The following PLXDC2 variants were observed in gnomAD, a reference collection of about 807,000 sequenced individuals.
The protein encoded by PLXDC2 is plexin domain-containing protein 2.
In PLXDC2, 40 loss-of-function variants were observed where a neutral mutation model predicts 68.9. The observed-to-expected ratio is 0.58, with a 90% CI of 0.45 to 0.76. The LOEUF is 0.76. Among genes scored for constraint, PLXDC2 ranks in the 30% least tolerant of loss-of-function variants. PLXDC2 has a pLI of 0.00. For missense variants in PLXDC2, 644 were observed against 661.9 expected, an observed-to-expected ratio of 0.97 and a Z score of 0.30; for synonymous variants, 243 against 234.2, an observed-to-expected ratio of 1.04 and a Z score of -0.34.
chr10:20,121,641 A>G (rs1474977811), intron 4 of PLXDC2, among the ~76,000 whole-genome samples: 1 of 152,138 alleles, frequency 6.6e-6, no homozygotes, highest in African/African-American at 2.4e-5. Flanking sequence ...TGAAGAAAGC[A>G]TGTTTGAGAT....
chr10:20,158,501 C>CAAAAA (rs59079629), intron 6 of PLXDC2, among the ~76,000 whole-genome samples: 16 of 118,776 alleles, frequency 1.3e-4, no homozygotes, highest in Non-Finnish European at 2.1e-4. Flanking sequence ...TCTGTCTCTG[C>CAAAAA]AAAAAAAAAA....
intron 4 of PLXDC2, among the ~76,000 whole-genome samples, chr10:20,141,512 T>C (rs893145125): frequency 2.6e-5 from 4 of 152,130 alleles, no homozygotes; most frequent in Admixed American, 2.0e-4. Context: ...AGAAGAAAAA[T>C]AACCTACTTG....
At chr10:19,887,899 A>G (rs1433026436) in intron 1 of PLXDC2, among the ~76,000 whole-genome samples, 1 of 152,214 alleles carries the variant, frequency 6.6e-6, no homozygotes, top group African/African-American at 2.4e-5. Context: ...GTCACTTACA[A>G]ATGACATTAA....
At chr10:20,176,562 A>G (rs1834529523) in intron 7 of PLXDC2, among the ~76,000 whole-genome samples, 3 of 152,172 alleles carry the variant, frequency 2.0e-5, no homozygotes, top group African/African-American at 7.2e-5. Flanking sequence ...TTTTAAAGCA[A>G]TCACATTGTT....
At chr10:20,154,170 A>G (rs1313345384) in intron 6 of PLXDC2, among the ~76,000 whole-genome samples, 1 of 152,210 alleles carries the variant, frequency 6.6e-6, no homozygotes, top group Admixed American at 6.5e-5. Context: ...TTAAGTTGCC[A>G]TTAAATAGTG....
intron 12 of PLXDC2, among the ~76,000 whole-genome samples, chr10:20,223,095 T>C (rs1835236977): frequency 6.6e-6 from 1 of 152,092 alleles, no homozygotes; most frequent in African/African-American, 2.4e-5. Flanking sequence ...CCAAACACCA[T>C]TCTAAATGCT....
At chr10:19,996,904 GA>G (rs899256826) in intron 1 of PLXDC2, among the ~76,000 whole-genome samples, 7 of 152,080 alleles carry the variant, frequency 4.6e-5, no homozygotes, top group African/African-American at 1.7e-4. Context: ...ACTATCACTA[GA>G]ACAGCATGGG....
At chr10:20,124,375 G>A (rs946708354) in intron 4 of PLXDC2, among the ~76,000 whole-genome samples, 2 of 152,172 alleles carry the variant, frequency 1.3e-5, no homozygotes, top group Non-Finnish European at 2.9e-5. Context: ...AGAGTAAGAA[G>A]AGGCCGCTCA....
intron 1 of PLXDC2, among the ~76,000 whole-genome samples, chr10:19,852,107 G>A (rs1383649485): frequency 6.6e-6 from 1 of 152,122 alleles, no homozygotes; most frequent in Non-Finnish European, 1.5e-5. Flanking sequence ...GATCTGCATT[G>A]TAAACCATTT....
At chr10:20,238,655 C>CAAAA (rs771913862) in intron 12 of PLXDC2, among the ~76,000 whole-genome samples, 908 of 82,720 alleles carry the variant, frequency 0.011, 19 homozygotes, top group Middle Eastern at 0.021. Context: ...GACTCCATCT[C>CAAAA]AAAAAAAATA....
chr10:20,202,120 AT>A (rs1383827785), intron 9 of PLXDC2, among the ~76,000 whole-genome samples: 11 of 152,304 alleles, frequency 7.2e-5, no homozygotes, highest in Middle Eastern at 3.4e-3. Flanking sequence ...GACAAGCAGC[AT>A]TTTTTAAATG....
At chr10:20,047,174 A>G (rs184568049) in intron 3 of PLXDC2, among the ~76,000 whole-genome samples, 159 bp downstream of exon 3, 1 of 152,256 alleles carries the variant, frequency 6.6e-6, no homozygotes, top group East Asian at 1.9e-4. Flanking sequence ...TGTAATTGTA[A>G]TTTAGATTGA....
At chr10:20,072,899 C>T (rs1343228569) in intron 4 of PLXDC2, among the ~76,000 whole-genome samples, 3 of 152,252 alleles carry the variant, frequency 2.0e-5, no homozygotes, top group South Asian at 2.1e-4. Context: ...GGATCTCTTC[C>T]GTGATTGACT....
intron 9 of PLXDC2, among the ~76,000 whole-genome samples, chr10:20,210,418 C>A (rs1056490498): frequency 6.6e-6 from 1 of 152,114 alleles, no homozygotes; most frequent in African/African-American, 2.4e-5. Flanking sequence ...GGTAGCAATG[C>A]TTTATCAGAA....
At position 19,893,824 on chromosome 10, in the gene PLXDC2, A is replaced by G. The variant is rs145278592; in HGVS notation, c.112+76633A>G. Among the ~76,000 whole-genome samples the G allele has an allele frequency of 2.5e-3, 384 of 152,316 alleles. 1 individual carries two copies. Among genetic ancestry groups the G allele is most frequent in the African/African-American group, 8.7e-3 (362 of 41,586 alleles). ...AACTCATGTCTCCTCAACTAGTTAC[A>G]CAGCTCTTCCCAGCACTGTTTCCTT... On this transcript the variant is annotated intron_variant, in intron 1 of 13. Coordinates refer to ENST00000377252, the MANE Select transcript of PLXDC2 (RefSeq NM_032812.9).
At chr10:20,158,982 G>A (rs1413973793) in intron 6 of PLXDC2, among the ~76,000 whole-genome samples, 1 of 152,164 alleles carries the variant, frequency 6.6e-6, no homozygotes, top group African/African-American at 2.4e-5. Context: ...GAAAATATAA[G>A]TAGTTGAAAG....
intron 3 of PLXDC2, among the ~76,000 whole-genome samples, chr10:20,062,599 G>T (rs1355982501): frequency 1.3e-5 from 2 of 152,044 alleles, no homozygotes; most frequent in Non-Finnish European, 2.9e-5. Flanking sequence ...TAAAAATACA[G>T]TTCCATATAC....
At chr10:20,265,693 A>G (rs1429526139) in intron 13 of PLXDC2, among the ~76,000 whole-genome samples, 1 of 152,212 alleles carries the variant, frequency 6.6e-6, no homozygotes, top group Admixed American at 6.5e-5. Flanking sequence ...AGATATAGAT[A>G]TTTGTAGAAG....
chr10:19,939,427 C>T (rs944555630), intron 1 of PLXDC2, among the ~76,000 whole-genome samples: 2 of 152,026 alleles, frequency 1.3e-5, no homozygotes, highest in African/African-American at 2.4e-5. Flanking sequence ...AGGGACAACC[C>T]TGGTTAGGGT....
Sources: gnomAD v4.1 joint callset for allele counts (sites outside exome capture counted in the v4.1 genomes callset) on GRCh38, gnomAD v4.1.1 for gene constraint, MANE v1.5 for transcripts, NCBI Gene and HGNC (gene_info 2026-07-23, HGNC 2026-07-21) for gene names.